Variants in CRPPA observed in about 807,000 individuals in gnomAD.
CRPPA encodes the protein D-ribitol-5-phosphate cytidylyltransferase.
A neutral mutation model predicts 52.0 loss-of-function variants in CRPPA; 43 were observed. The ratio of observed to expected loss-of-function variants is 0.83; its 90% confidence interval spans 0.65 to 1.07. CRPPA has a LOEUF of 1.07. CRPPA is among the 50% of genes least tolerant of loss of function. CRPPA has a pLI of 0.00. For missense variants in CRPPA, 629 were observed against 551.7 expected, an observed-to-expected ratio of 1.14 and a Z score of -1.40; for synonymous variants, 250 against 203.5, an observed-to-expected ratio of 1.23 and a Z score of -1.94.
chr7:16,357,230 G>C (rs529874657), intron 3 of CRPPA, among the ~76,000 whole-genome samples: 2 of 151,910 alleles, frequency 1.3e-5, no homozygotes, highest in Non-Finnish European at 2.9e-5. Flanking sequence ...CCAGGCTAGA[G>C]TGCAGAGGCA....
intron 9 of CRPPA, among the ~76,000 whole-genome samples, chr7:16,159,475 A>C (rs1783257483): frequency 6.6e-6 from 1 of 152,182 alleles, no homozygotes; most frequent in Non-Finnish European, 1.5e-5. Flanking sequence ...TAGCTTGCTG[A>C]GAATGATGGT....
chr7:16,379,337 C>G (rs2128312715), intron 2 of CRPPA, among the ~76,000 whole-genome samples: 1 of 152,220 alleles, frequency 6.6e-6, no homozygotes, highest in African/African-American at 2.4e-5. Flanking sequence ...CTGTTCTGTT[C>G]CATTGATCTA....
intron 9 of CRPPA, among the ~76,000 whole-genome samples, 155 bp downstream of exon 9, chr7:16,215,911 C>T (rs1431966865): frequency 6.6e-6 from 1 of 152,090 alleles, no homozygotes; most frequent in African/African-American, 2.4e-5. Flanking sequence ...TTCCTAGAGG[C>T]AAGAGGTTCT....
chr7:16,364,862 G>A (rs1422891303), intron 3 of CRPPA, among the ~76,000 whole-genome samples: 23 of 152,086 alleles, frequency 1.5e-4, no homozygotes, highest in Admixed American at 1.4e-3. Flanking sequence ...TGTTGTTGAC[G>A]TGTCTCCCAG....
At chr7:16,105,950 A>C (rs1782142085) in intron 9 of CRPPA, among the ~76,000 whole-genome samples, 2 of 152,210 alleles carry the variant, frequency 1.3e-5, no homozygotes, top group South Asian at 4.1e-4. Flanking sequence ...GGACTACACC[A>C]GTTTGACCCA....
chr7:16,280,712 A>T (rs564374775), intron 5 of CRPPA, among the ~76,000 whole-genome samples: 5 of 152,330 alleles, frequency 3.3e-5, no homozygotes, highest in Non-Finnish European at 5.9e-5. Flanking sequence ...AAATATTTTT[A>T]AAAAATGAAT....
At chr7:16,245,212 C>A (rs766615157) in intron 8 of CRPPA, among the ~76,000 whole-genome samples, 1 of 152,210 alleles carries the variant, frequency 6.6e-6, no homozygotes, top group Non-Finnish European at 1.5e-5. Flanking sequence ...TTTGCACATG[C>A]AAACACTCTA....
At chr7:16,312,175 A>C (rs946366452) in intron 3 of CRPPA, among the ~76,000 whole-genome samples, 1 of 152,038 alleles carries the variant, frequency 6.6e-6, no homozygotes, top group Admixed American at 6.6e-5. Flanking sequence ...TGAAATTTTG[A>C]TTGGGATTGC....
intron 8 of CRPPA, among the ~76,000 whole-genome samples, 160 bp downstream of exon 8, chr7:16,258,230 T>C (rs188206959): frequency 1.3e-5 from 2 of 152,202 alleles, no homozygotes; most frequent in African/African-American, 4.8e-5. Flanking sequence ...CATTCAGTCA[T>C]AGAAGTCATA....
intron 8 of CRPPA, among the ~76,000 whole-genome samples, chr7:16,219,476 A>G (rs1190408474): frequency 9.6e-6 from 1 of 104,640 alleles, no homozygotes; most frequent in Non-Finnish European, 2.0e-5. Context: ...GACACAAAAA[A>G]CCCTTCAAAA....
At position 16,376,211 on chromosome 7, in the gene CRPPA, T is replaced by A. The variant is rs1786881434; in HGVS notation, c.565A>T (p.Thr189Ser). Residue 189 changes from threonine to serine, a missense_variant, in exon 3 of 10, where the codon ACT becomes TCT. Transcript: ENST00000407010. ...CCATCAGCAGATGGACTGACGACAG[T>A]AGATACAAGAGGTCGAATGGCTCCT... The part of the protein sequence containing the change: ...AAGAIRPLVS[T>S]VVSPSADGCL... The A allele has an allele frequency of 6.2e-7, 1 of 1,611,686 alleles. No individual in the cohort carries two copies. Among genetic ancestry groups the A allele is most frequent in the Middle Eastern group, 1.7e-4 (1 of 6,046 alleles).
At chr7:16,142,389 C>T (rs1288715888) in intron 9 of CRPPA, among the ~76,000 whole-genome samples, 2 of 152,154 alleles carry the variant, frequency 1.3e-5, no homozygotes, top group African/African-American at 2.4e-5. Flanking sequence ...ATGGACCACA[C>T]TTAATGTGAA....
intron 1 of CRPPA, among the ~76,000 whole-genome samples, chr7:16,416,442 T>G (rs1237400761): frequency 6.6e-6 from 1 of 152,100 alleles, no homozygotes; most frequent in Non-Finnish European, 1.5e-5. Context: ...TAAACACCAT[T>G]CTGGGCATCA....
chr7:16,381,263 C>A lies in CRPPA; in HGVS notation c.535-5022G>T, dbSNP rs550992116. 4.4e-3 allele frequency among the ~76,000 whole-genome samples: 662 copies of A among 151,902 alleles called. 6 individuals are homozygous for A. Among genetic ancestry groups the A allele is most frequent in the African/African-American group, 0.014 (567 of 41,410 alleles). On this transcript the variant is annotated intron_variant, in intron 2 of 9. Coordinates refer to ENST00000407010, the MANE Select transcript of CRPPA (RefSeq NM_001101426.4). Reference sequence around the variant, plus strand: ...TTCGTTATGTATCCAGTAGTCATTCCGGAGCAGGTTGTTCAGTTTCCATGT... The same window carrying A: ...TTCGTTATGTATCCAGTAGTCATTCAGGAGCAGGTTGTTCAGTTTCCATGT...
At chr7:16,293,621 A>C (rs1187359206) in intron 5 of CRPPA, among the ~76,000 whole-genome samples, 2 of 151,942 alleles carry the variant, frequency 1.3e-5, no homozygotes, top group Non-Finnish European at 2.9e-5. Flanking sequence ...TACAATATAA[A>C]TGGACGGAGA....
intron 9 of CRPPA, among the ~76,000 whole-genome samples, chr7:16,115,647 T>G (rs977863299): frequency 4.6e-5 from 7 of 152,164 alleles, no homozygotes; most frequent in Admixed American, 4.6e-4. Flanking sequence ...AATTGCTCAT[T>G]TCAAGCCTGA....
intron 3 of CRPPA, among the ~76,000 whole-genome samples, chr7:16,367,174 T>A (rs546082290): frequency 7.6e-4 from 114 of 150,454 alleles, no homozygotes; most frequent in East Asian, 3.1e-3. Flanking sequence ...TGTCAAAATT[T>A]AAAAAAAAAA....
chr7:16,317,260 T>C (rs1785162674), intron 3 of CRPPA, among the ~76,000 whole-genome samples: 1 of 152,152 alleles, frequency 6.6e-6, no homozygotes, highest in African/African-American at 2.4e-5. Context: ...CATTGGGGAA[T>C]GGAAGATAAA....
At chr7:16,250,027 A>T (rs193031734) in intron 8 of CRPPA, among the ~76,000 whole-genome samples, 6 of 152,332 alleles carry the variant, frequency 3.9e-5, no homozygotes, top group Admixed American at 3.9e-4. Context: ...CAGTGTAGAG[A>T]AGAATATAAA....
Sources: allele counts gnomAD v4.1 joint callset (sites outside exome capture counted in the v4.1 genomes callset), GRCh38; gene constraint gnomAD v4.1.1; transcripts MANE v1.5; gene names NCBI Gene and HGNC (gene_info 2026-07-23, HGNC 2026-07-21).